Variants in PAF1 observed in about 807,000 individuals in gnomAD.
PAF1 encodes RNA polymerase II-associated factor 1 homolog.
A neutral mutation model predicts 68.4 loss-of-function variants in PAF1; 31 were observed. The observed-to-expected ratio is 0.45, with a 90% CI of 0.34 to 0.61. The LOEUF (loss-of-function observed/expected upper bound fraction) is 0.61, where lower values mean the gene tolerates loss of function less well. Ranked by LOEUF, PAF1 falls within the 20% of genes least tolerant of loss-of-function variation. PAF1 has a pLI of 0.01. For synonymous variants in PAF1, 256 were observed against 240.5 expected (o/e 1.06, Z -0.60); for missense variants, 435 against 692.9 (o/e 0.63, Z 4.18).
Position 39,391,075 on chromosome 19 carries a change from G to C in PAF1, c.-211C>G, listed in dbSNP as rs560621169. 7.3e-5 allele frequency: 46 copies of C among 631,264 alleles called. No individual in the cohort carries two copies. The African/African-American group carries it at 7.5e-4, about 10-fold the overall frequency. 39.1% of individuals were successfully genotyped at this position (631,264 alleles called of 1,614,324 possible). A position where few individuals can be genotyped will look rare whatever the true frequency, so the allele number is the denominator to read the frequency against. On this transcript the variant is annotated 5_prime_UTR_variant, in exon 1 of 14. Transcript: ENST00000221265. ...AGGCAGCACCGGGGACGGACTCGAA[G>C]CTCCGGTTCCACCAACTGCCGCCAA... is the stretch of plus-strand genomic sequence containing the variant.
chr19:39,387,619 A>C (rs1336801298), intron 11 of PAF1, among the ~76,000 whole-genome samples: 1 of 152,220 alleles, frequency 6.6e-6, no homozygotes, highest in African/African-American at 2.4e-5. Flanking sequence ...AAGACTTCCC[A>C]ACTCTACACC....
At chr19:39,390,187 G>A in intron 2 of PAF1, 26 bp from the exon 3 acceptor site, 1 of 1,611,910 alleles carries the variant, frequency 6.2e-7, no homozygotes, top group East Asian at 2.2e-5. Context: ...GCTCAAAAGT[G>A]GGCCCCCGCT....
chr19:39,390,806 C>T lies in PAF1; in HGVS notation c.47+12G>A. On this transcript the variant is annotated intron_variant, in intron 1 of 13. Transcript: ENST00000221265. The stretch of plus-strand genomic sequence containing the variant: ...CCCCCGCCTTGCTGCAACAGAAAAG[C>T]GTGGCGCCTACCTGTGGCCATCCTC... 2 of 1,576,590 alleles carry T rather than the reference C, an allele frequency of 1.3e-6. No individual in the cohort carries two copies. The highest frequency in any genetic ancestry group is 1.2e-5 in the South Asian group (1 of 85,950).
At position 39,388,802 on chromosome 19, in the gene PAF1, C is replaced by T; in HGVS notation, c.700G>A (p.Gly234Ser). 1 of 1,614,176 alleles carries T rather than the reference C, an allele frequency of 6.2e-7. No homozygotes were observed. The highest frequency in any genetic ancestry group is 8.5e-7 in the Non-Finnish European group (1 of 1,180,022). Residue 234 changes from glycine (G) to serine (S), a missense_variant, in exon 9 of 14, where the codon GGT (glycine) becomes AGT (serine). Gly to Ser is a moderately conservative substitution (Grantham distance 56, BLOSUM62 0). Transcript: ENST00000221265. ...GACATCATCTCCAACGCAGCTGCAC[C>T]ACTCGTGTCCTTGGGGGCTGGGTCT... ...DSDPAPKDTS[G>S]AAALEMMSQA...
chr19:39,389,991 G>T lies in PAF1; in HGVS notation c.170+78C>A. The T allele has an allele frequency of 8.1e-7, 1 of 1,232,462 alleles. No individual in the cohort carries two copies. Among genetic ancestry groups the T allele is most frequent in the Non-Finnish European group, 1.2e-6 (1 of 838,176 alleles). 76.3% of individuals were successfully genotyped at this position (1,232,462 alleles called of 1,614,324 possible). A position where few individuals can be genotyped will look rare whatever the true frequency, so the allele number is the denominator to read the frequency against. The stretch of plus-strand genomic sequence containing the variant: ...TAGGTACTGTGCTAGGCCCTGAGCA[G>T]ACAGCAGCCAACGAGACAAGCAGTC... On this transcript the variant is annotated intron_variant, in intron 3 of 13. Coordinates refer to ENST00000221265, the MANE Select transcript of PAF1 (RefSeq NM_019088.4). This position sits in a 1 kb window ranked among gnomAD's most constrained non-coding sequence, Gnocchi z 5.3.
In PAF1 at chr19:39,389,891, T is replaced by C. The variant is rs931947056; in HGVS notation, c.171-130A>G. The C allele has an allele frequency of 1.8e-5, 24 of 1,329,964 alleles. No individual in the cohort carries two copies. The East Asian group carries it at 5.5e-4, about 31-fold the overall frequency. 82.4% of individuals were successfully genotyped at this position (1,329,964 alleles called of 1,614,324 possible). ...GTCCCCCATGGCAGAGTCTGAAAGC[T>C]GGCTCCCCAGTGGGAAGGGACTTGG... On this transcript the variant is annotated intron_variant, in intron 3 of 13. Coordinates refer to ENST00000221265, the MANE Select transcript of PAF1 (RefSeq NM_019088.4). This position sits in a 1 kb window ranked among gnomAD's most constrained non-coding sequence, Gnocchi z 5.3.
intron 10 of PAF1, 30 bp from the exon 11 acceptor site, chr19:39,388,497 T>G: frequency 6.2e-7 from 1 of 1,614,106 alleles, no homozygotes; most frequent in Non-Finnish European, 8.5e-7. Flanking sequence ...TTCAGCCCCA[T>G]TTCTTCCCTA....
At position 39,389,275 on chromosome 19, in the gene PAF1, A is replaced by T; in HGVS notation, c.461+7T>A. On this transcript the variant is annotated splice_region_variant and intron_variant, in intron 6 of 13. Coordinates refer to ENST00000221265, the MANE Select transcript of PAF1 (RefSeq NM_019088.4). The surrounding 1 kb of genome is among the most constrained non-coding windows in gnomAD (Gnocchi z 5.3). Reference sequence around the variant, plus strand: ...CCACCTTCCCTCTCTTCCTGTTAGTAACTTACTTGACCTCAGGCTTCTCAT... The same window carrying T: ...CCACCTTCCCTCTCTTCCTGTTAGTTACTTACTTGACCTCAGGCTTCTCAT... 1.9e-6 allele frequency: 3 copies of T among 1,612,970 alleles called. No individual in the cohort carries two copies. The highest frequency in any genetic ancestry group is 2.5e-6 in the Non-Finnish European group (3 of 1,178,936).
At chr19:39,388,718 G>GAGGCAGCAAGGAGCAGGCCAAGGT in intron 9 of PAF1, 42 bp from the exon 10 acceptor site, 3 of 1,608,326 alleles carry the variant, frequency 1.9e-6, no homozygotes, top group Non-Finnish European at 2.6e-6. Flanking sequence ...GTGAGGACAA[G>GAGGCAGCAAGGAGCAGGCCAAGGT]AGGCAGCAAG....
rs769686280 is a variant in PAF1, at chr19:39,386,474, A to C, written c.1183+8T>G. The stretch of plus-strand genomic sequence containing the variant: ...AGGGCTCCCAGAGTCTGGCCTGTCC[A>C]GATTTACCTGAGCCCCCAGCTTCTT... On this transcript the variant is annotated splice_region_variant and intron_variant, in intron 13 of 13. Coordinates refer to ENST00000221265, the MANE Select transcript of PAF1 (RefSeq NM_019088.4). The surrounding 1 kb of genome is among the most constrained non-coding windows in gnomAD (Gnocchi z 6.1). The C allele has an allele frequency of 6.2e-7, 1 of 1,614,094 alleles. No homozygotes were observed. The highest frequency in any genetic ancestry group is 8.5e-7 in the Non-Finnish European group (1 of 1,180,012).
rs887370396 is a variant in PAF1 at position 39,390,870 on chromosome 19, C to A, written c.-6G>T. On this transcript the variant is annotated 5_prime_UTR_variant, in exon 1 of 14. Coordinates refer to ENST00000221265, the MANE Select transcript of PAF1 (RefSeq NM_019088.4). Reference sequence around the variant, plus strand: ...GTCTGGATGGTGGGCGCCATAGCGACGAGGCGACGGCAGCCCGGACGGGGT... The same window carrying A: ...GTCTGGATGGTGGGCGCCATAGCGAAGAGGCGACGGCAGCCCGGACGGGGT... The A allele has an allele frequency of 6.3e-7, 1 of 1,579,506 alleles. No individual in the cohort carries two copies. The highest frequency in any genetic ancestry group is 8.6e-7 in the Non-Finnish European group (1 of 1,162,514).
chr19:39,385,885 TTGGGGG>T lies in PAF1; in HGVS notation c.*100_*105del. ...AGTTGACTTTATTAACAGCAAAGGTTTGGGGGTGGGGAACAAACAAGTGAAAGGCTC... is the reference window on the plus strand; with the variant it reads ...AGTTGACTTTATTAACAGCAAAGGTTTGGGGAACAAACAAGTGAAAGGCTC... On this transcript the variant is annotated 3_prime_UTR_variant, in exon 14 of 14. Coordinates refer to ENST00000221265, the MANE Select transcript of PAF1 (RefSeq NM_019088.4). The T allele has an allele frequency of 6.7e-7, 1 of 1,502,538 alleles. No homozygotes were observed. The highest frequency in any genetic ancestry group is 1.2e-5 in the South Asian group (1 of 80,078). The allele number at this position is 1,502,538 out of a possible 1,614,324, so 93.1% of individuals were successfully genotyped here. A position where few individuals can be genotyped will look rare whatever the true frequency, so the allele number is the denominator to read the frequency against.
intron 11 of PAF1, among the ~76,000 whole-genome samples, chr19:39,387,397 C>T (rs1370534377): frequency 3.9e-5 from 6 of 152,138 alleles, no homozygotes; most frequent in Middle Eastern, 3.2e-3. Flanking sequence ...TTTGAGAAAC[C>T]AGGAGATGTC....
intron 1 of PAF1, 43 bp downstream of exon 1, chr19:39,390,775 C>T (rs938679678): frequency 1.3e-6 from 2 of 1,551,554 alleles, no homozygotes; most frequent in Non-Finnish European, 1.7e-6. Context: ...GAAACCCTCT[C>T]CCGATCCCCC....
chr19:39,390,029 G>T (rs766572583), intron 3 of PAF1, 40 bp downstream of exon 3: 6 of 1,491,764 alleles, frequency 4.0e-6, no homozygotes, highest in Non-Finnish European at 5.6e-6. Flanking sequence ...TGCCTTCAAG[G>T]AACTCATACC....
At chr19:39,388,891 A>G (rs2078311078) in intron 8 of PAF1, 26 bp from the exon 9 acceptor site, 1 of 1,611,508 alleles carries the variant, frequency 6.2e-7, no homozygotes, top group African/African-American at 1.3e-5. Context: ...CACTGGGGTT[A>G]GATGGGAACA....
rs1568371866 is a variant in PAF1, at chr19:39,386,089, C to CGCTGCG, written c.1492_1497dup (p.Arg498_Ser499dup). On this transcript the variant is annotated inframe_insertion, in exon 14 of 14. Transcript: ENST00000221265. The surrounding 1 kb of genome is among the most constrained non-coding windows in gnomAD (Gnocchi z 6.1). ...TCGCTGCCACTGGGGAAGGGACTGG[C>CGCTGCG]GCTGCGGCTGTGGCTCCGGCTCCGC... 3.7e-6 allele frequency: 6 copies of CGCTGCG among 1,614,016 alleles called. No individual in the cohort carries two copies. Among genetic ancestry groups the CGCTGCG allele is most frequent in the Non-Finnish European group, 5.1e-6 (6 of 1,180,028 alleles).
At chr19:39,388,283 C>T in intron 11 of PAF1, 56 bp downstream of exon 11, 1 of 1,600,042 alleles carries the variant, frequency 6.2e-7, no homozygotes. Context: ...TCTTGCATGC[C>T]CCAGGGTCTT....
chr19:39,390,390 A>T (rs1177382136), intron 1 of PAF1, 101 bp from the exon 2 acceptor site: 11 of 1,130,006 alleles, frequency 9.7e-6, no homozygotes, highest in Admixed American at 8.0e-5. Flanking sequence ...GGGGTGACAA[A>T]TGCTGGTTTC....
Sources: allele counts gnomAD v4.1 joint callset (sites outside exome capture counted in the v4.1 genomes callset), GRCh38; gene constraint gnomAD v4.1.1; non-coding constraint Gnocchi (gnomAD v3.1); transcripts MANE v1.5; gene names NCBI Gene and HGNC (gene_info 2026-07-23, HGNC 2026-07-21).